Variants in NETO2 observed in about 807,000 individuals in gnomAD.
The protein encoded by NETO2 is neuropilin and tolloid-like protein 2.
NETO2 carries 28 observed loss-of-function variants against 62.5 expected under a neutral mutation model. The observed-to-expected ratio is 0.45, with a 90% CI of 0.33 to 0.61. The LOEUF is 0.61. Ranked by LOEUF, NETO2 falls within the 20% of genes least tolerant of loss-of-function variation. The pLI is 0.02. For missense variants in NETO2, 548 were observed against 643.2 expected, an observed-to-expected ratio of 0.85 and a Z score of 1.60; for synonymous variants, 214 against 219.1, an observed-to-expected ratio of 0.98 and a Z score of 0.21.
chr16:47,143,724 G>C lies in NETO2; in HGVS notation c.-112C>G. The C allele has an allele frequency of 8.4e-7, 1 of 1,184,102 alleles. No individual in the cohort carries two copies. The highest frequency in any genetic ancestry group is 4.3e-5 in the South Asian group (1 of 23,484). 73.3% of individuals were successfully genotyped at this position (1,184,102 alleles called of 1,614,324 possible). On this transcript the variant is annotated 5_prime_UTR_variant, in exon 1 of 9. Transcript: ENST00000562435. ...CCCACTCCGTCCCCATCGCCGGCCA[G>C]CAGCTGCCTCCCCGCTCCCCTGAGG...
At chr16:47,107,733 T>C (rs572513500) in intron 7 of NETO2, among the ~76,000 whole-genome samples, 1 of 152,314 alleles carries the variant, frequency 6.6e-6, no homozygotes, top group East Asian at 1.9e-4. Flanking sequence ...TTCCAATGGC[T>C]GAAGCTCGGG....
chr16:47,111,383 A>G (rs1217757500), intron 6 of NETO2, among the ~76,000 whole-genome samples: 3 of 152,246 alleles, frequency 2.0e-5, no homozygotes, highest in Non-Finnish European at 4.4e-5. Flanking sequence ...TTAAAAAAAC[A>G]TCGAGTTAAA....
chr16:47,140,610 A>T (rs569909092), intron 1 of NETO2, among the ~76,000 whole-genome samples: 2 of 152,372 alleles, frequency 1.3e-5, no homozygotes, highest in African/African-American at 4.8e-5. Context: ...TTATTTAATA[A>T]GACTTTTCAA....
At chr16:47,108,694 G>C (rs186803981) in intron 7 of NETO2, among the ~76,000 whole-genome samples, 66 of 152,310 alleles carry the variant, frequency 4.3e-4, no homozygotes, top group African/African-American at 1.5e-3. Context: ...TAAAAGCAAT[G>C]TGGGAAACTG....
At chr16:47,119,129 T>A (rs937243081) in intron 6 of NETO2, among the ~76,000 whole-genome samples, 2 of 151,738 alleles carry the variant, frequency 1.3e-5, no homozygotes, top group African/African-American at 4.8e-5. Flanking sequence ...TTTCCATTTC[T>A]AATATTATTT....
At position 47,082,229 on chromosome 16, in the gene NETO2, T is replaced by A. The variant is rs1052047186; in HGVS notation, c.*992A>T. ...GAAGCAATCTCAAGGCTCATCCAAT[T>A]TCTAAGGAATTTTAACTGGCATCTA... On this transcript the variant is annotated 3_prime_UTR_variant, in exon 9 of 9. Transcript: ENST00000562435. The A allele has an allele frequency of 6.6e-6, 1 of 152,630 alleles. No individual in the cohort carries two copies. The highest frequency in any genetic ancestry group is 1.5e-5 in the Non-Finnish European group (1 of 68,032). 9.5% of individuals were successfully genotyped at this position (152,630 alleles called of 1,614,324 possible).
At chr16:47,097,553 C>T (rs551235732) in intron 7 of NETO2, among the ~76,000 whole-genome samples, 4 of 152,200 alleles carry the variant, frequency 2.6e-5, no homozygotes, top group Non-Finnish European at 4.4e-5. Context: ...CTCCCATCTC[C>T]GTGGGACAGA....
intron 6 of NETO2, among the ~76,000 whole-genome samples, chr16:47,115,096 C>G (rs1963882565): frequency 6.6e-6 from 1 of 152,170 alleles, no homozygotes; most frequent in Admixed American, 6.5e-5. Context: ...TTCCATTGAT[C>G]TGTGTGTCTG....
At chr16:47,104,494 T>G (rs966733008) in intron 7 of NETO2, among the ~76,000 whole-genome samples, 4 of 152,064 alleles carry the variant, frequency 2.6e-5, no homozygotes, top group Non-Finnish European at 5.9e-5. Context: ...CCTATCAAAA[T>G]CCCAACAGTG....
intron 7 of NETO2, among the ~76,000 whole-genome samples, chr16:47,096,533 T>C (rs1421726223): frequency 1.3e-5 from 2 of 152,096 alleles, no homozygotes; most frequent in Non-Finnish European, 2.9e-5. Flanking sequence ...GCCAACAAAC[T>C]GACAACCTAG....
chr16:47,100,203 A>G lies in NETO2; in HGVS notation c.883+9280T>C, dbSNP rs559730209. Reference sequence around the variant, plus strand: ...ATGGAAACTGAACAACCTGCTCCTGAATGACTATGGGGTAAATAACAAAAT... The same window carrying G: ...ATGGAAACTGAACAACCTGCTCCTGGATGACTATGGGGTAAATAACAAAAT... On this transcript the variant is annotated intron_variant, in intron 7 of 8. Coordinates refer to ENST00000562435, the MANE Select transcript of NETO2 (RefSeq NM_018092.5). Among the ~76,000 whole-genome samples, 6 of 152,330 alleles carry G rather than the reference A, an allele frequency of 3.9e-5. No homozygotes were observed. In the East Asian group the frequency reaches 1.2e-3, roughly 29 times the overall value.
chr16:47,122,651 T>G lies in NETO2; in HGVS notation c.654+6A>C, dbSNP rs769930618. The G allele has an allele frequency of 6.2e-7, 1 of 1,613,142 alleles. No homozygotes were observed. The highest frequency in any genetic ancestry group is 8.5e-7 in the Non-Finnish European group (1 of 1,179,810). On this transcript the variant is annotated splice_donor_region_variant and intron_variant, in intron 6 of 8. Coordinates refer to ENST00000562435, the MANE Select transcript of NETO2 (RefSeq NM_018092.5). ...TTCTCTGAAGCGACTCAATACATAA[T>G]AATACCTTAGCTTTTGGAGTGGCTT...
At chr16:47,095,626 A>T (rs1375019783) in intron 7 of NETO2, among the ~76,000 whole-genome samples, 9 of 152,208 alleles carry the variant, frequency 5.9e-5, no homozygotes, top group Admixed American at 5.9e-4. Flanking sequence ...TTATAAACAT[A>T]TATGGACTAA....
chr16:47,123,046 G>T (rs1378221315), intron 4 of NETO2, 134 bp from the exon 5 acceptor site: 4 of 760,114 alleles, frequency 5.3e-6, no homozygotes, highest in African/African-American at 1.8e-5. Context: ...ACATATCATT[G>T]GTCATTTAGG....
At position 47,104,197 on chromosome 16, in the gene NETO2, A is replaced by C. The variant is rs1348296718; in HGVS notation, c.883+5286T>G. Among the ~76,000 whole-genome samples, 5 of 152,320 alleles carry C rather than the reference A, an allele frequency of 3.3e-5. No homozygotes were observed. In the East Asian group the frequency reaches 9.6e-4, roughly 29 times the overall value. On this transcript the variant is annotated intron_variant, in intron 7 of 8. Transcript: ENST00000562435. ...TAAGTCAACAAAGTTGCAGGATGCA[A>C]AACCCGCATACACAAATCCGTTGCA...
chr16:47,130,932 C>T (rs543247570), intron 2 of NETO2, among the ~76,000 whole-genome samples: 4 of 151,948 alleles, frequency 2.6e-5, no homozygotes, highest in Non-Finnish European at 5.9e-5. Flanking sequence ...TTGAGGAAGT[C>T]TCAGCGAATG....
At chr16:47,104,454 C>T (rs1963626361) in intron 7 of NETO2, among the ~76,000 whole-genome samples, 1 of 152,188 alleles carries the variant, frequency 6.6e-6, no homozygotes, top group Admixed American at 6.5e-5. Flanking sequence ...GACAATATTA[C>T]TCAAAGTGAC....
chr16:47,131,549 C>T (rs1390070320), intron 2 of NETO2, among the ~76,000 whole-genome samples: 1 of 151,872 alleles, frequency 6.6e-6, no homozygotes, highest in Non-Finnish European at 1.5e-5. Flanking sequence ...AAAAATCTGG[C>T]TAAAAAAAAT....
At chr16:47,140,133 G>C (rs16952585) in intron 1 of NETO2, among the ~76,000 whole-genome samples, 3,090 of 152,176 alleles carry the variant, frequency 0.02, 105 homozygotes, top group African/African-American at 0.07. Flanking sequence ...TGACTGAGAG[G>C]GCAAGGCCTC....
Sources: allele counts gnomAD v4.1 joint callset (sites outside exome capture counted in the v4.1 genomes callset), GRCh38; gene constraint gnomAD v4.1.1; transcripts MANE v1.5; gene names NCBI Gene and HGNC (gene_info 2026-07-23, HGNC 2026-07-21).